DLX1: variants seen among roughly 807,000 people sequenced by gnomAD.
The protein encoded by DLX1 is homeobox protein DLX-1.
In DLX1, 7 loss-of-function variants were observed where a neutral mutation model predicts 25.0. The observed-to-expected ratio is 0.28, with a 90% CI of 0.16 to 0.52. DLX1 has a LOEUF of 0.52. Among genes scored for constraint, DLX1 ranks in the 20% least tolerant of loss-of-function variants. The pLI, the probability that DLX1 is intolerant of heterozygous loss-of-function variation, is 0.96. For missense variants in DLX1, 233 were observed against 334.4 expected (o/e 0.70, Z 2.37); for synonymous variants, 155 against 140.3 (o/e 1.10, Z -0.74).
chr2:172,087,784 C>G (rs1286990874), intron 2 of DLX1, among the ~76,000 whole-genome samples: 1 of 149,454 alleles, frequency 6.7e-6, no homozygotes, highest in Middle Eastern at 3.7e-3. Context: ...GAGCTGCCCC[C>G]GTGGGCTGAC....
chr2:172,086,442 G>T, intron 1 of DLX1: 1 of 508,202 alleles, frequency 2.0e-6, no homozygotes, highest in Non-Finnish European at 3.4e-6. Context: ...AAAGGCAGGA[G>T]CTGAGCTCCT....
In DLX1 at chr2:172,085,514, T is replaced by G; in HGVS notation, c.-164T>G. On this transcript the variant is annotated 5_prime_UTR_variant, in exon 1 of 3. Coordinates refer to ENST00000361725, the MANE Select transcript of DLX1 (RefSeq NM_178120.5). The surrounding 1 kb of genome is among the most constrained non-coding windows in gnomAD (Gnocchi z 4.3). ...ACCGAGTTTGGGGAGCTCAGCAGCATCATGCTTAGACTTTTCAAAGAGACA... is the reference window on the plus strand; with the variant it reads ...ACCGAGTTTGGGGAGCTCAGCAGCAGCATGCTTAGACTTTTCAAAGAGACA... 6 of 705,828 alleles carry G rather than the reference T, an allele frequency of 8.5e-6. No homozygotes were observed. The highest frequency in any genetic ancestry group is 1.4e-5 in the Non-Finnish European group (6 of 430,692). 43.7% of individuals were successfully genotyped at this position (705,828 alleles called of 1,614,324 possible).
intron 1 of DLX1, 25 bp downstream of exon 1, chr2:172,086,015 G>A: frequency 6.4e-7 from 1 of 1,561,772 alleles, no homozygotes; most frequent in Non-Finnish European, 8.7e-7. Context: ...CAGGGAGAGG[G>A]AGAGGAGGAG....
At position 172,088,619 on chromosome 2, in the gene DLX1, C is replaced by G. The variant is rs913158991; in HGVS notation, c.*362C>G. The G allele has an allele frequency of 5.1e-6, 1 of 195,856 alleles. No homozygotes were observed. Among genetic ancestry groups the G allele is most frequent in the East Asian group, 1.2e-4 (1 of 8,650 alleles). The allele number at this position is 195,856 out of a possible 1,614,324, so 12.1% of individuals were successfully genotyped here. On this transcript the variant is annotated 3_prime_UTR_variant, in exon 3 of 3. Coordinates refer to ENST00000361725, the MANE Select transcript of DLX1 (RefSeq NM_178120.5). The stretch of plus-strand genomic sequence containing the variant: ...ACAAAATGTAGAAAAAGCAAAAGCT[C>G]TTTTCTGTCCTGTCAGTCTCCTGTC...
chr2:172,088,326 G>A lies in DLX1; in HGVS notation c.*69G>A, dbSNP rs925073235. The A allele has an allele frequency of 7.1e-7, 1 of 1,404,612 alleles. No homozygotes were observed. 87.0% of individuals were successfully genotyped at this position (1,404,612 alleles called of 1,614,324 possible). On this transcript the variant is annotated 3_prime_UTR_variant, in exon 3 of 3. Transcript: ENST00000361725. ...TCCCGCCTCCAGGTCCATCCATCCCGTCCGGAAAAGAAGGACCCAGAGGGA... is the reference window on the plus strand; with the variant it reads ...TCCCGCCTCCAGGTCCATCCATCCCATCCGGAAAAGAAGGACCCAGAGGGA...
At chr2:172,086,929 C>T (rs1690853885) in intron 2 of DLX1, 76 bp downstream of exon 2, 1 of 1,456,088 alleles carries the variant, frequency 6.9e-7, no homozygotes, top group Admixed American at 1.7e-5. Flanking sequence ...TCATTTGTTG[C>T]TCGCTGGGAC....
chr2:172,087,073 C>G (rs1279379840), intron 2 of DLX1: 1 of 714,356 alleles, frequency 1.4e-6, no homozygotes, highest in Admixed American at 2.0e-5. Flanking sequence ...CCGTCCGGCC[C>G]TCTGTCCCTG....
rs1690903524 is a variant in DLX1 at position 172,088,315 on chromosome 2, C to G, written c.*58C>G. 1 of 1,412,840 alleles carries G rather than the reference C, an allele frequency of 7.1e-7. No individual in the cohort carries two copies. Among genetic ancestry groups the G allele is most frequent in the Non-Finnish European group, 9.3e-7 (1 of 1,076,764 alleles). The allele number at this position is 1,412,840 out of a possible 1,614,324, so 87.5% of individuals were successfully genotyped here. The stretch of plus-strand genomic sequence containing the variant: ...GCCCAGGTCCCTCCCGCCTCCAGGT[C>G]CATCCATCCCGTCCGGAAAAGAAGG... On this transcript the variant is annotated 3_prime_UTR_variant, in exon 3 of 3. Coordinates refer to ENST00000361725, the MANE Select transcript of DLX1 (RefSeq NM_178120.5).
Position 172,085,599 on chromosome 2 carries a change from T to C in DLX1, c.-79T>C. 6.8e-7 allele frequency: 1 copy of C among 1,463,278 alleles called. No homozygotes were observed. The highest frequency in any genetic ancestry group is 9.3e-7 in the Non-Finnish European group (1 of 1,079,360). 90.6% of individuals were successfully genotyped at this position (1,463,278 alleles called of 1,614,324 possible). A position where few individuals can be genotyped will look rare whatever the true frequency, so the allele number is the denominator to read the frequency against. On this transcript the variant is annotated 5_prime_UTR_variant, in exon 1 of 3. Transcript: ENST00000361725. This position sits in a 1 kb window ranked among gnomAD's most constrained non-coding sequence, Gnocchi z 4.3. Reference sequence around the variant, plus strand: ...CCTGTTCCGCTTAAATTGGGTTCCTTCCTGTCCTGAGAAACATAGAGACCC... The same window carrying C: ...CCTGTTCCGCTTAAATTGGGTTCCTCCCTGTCCTGAGAAACATAGAGACCC...
In DLX1 at chr2:172,089,149, T is replaced by C. The variant is rs1690924135; in HGVS notation, c.*892T>C. On this transcript the variant is annotated 3_prime_UTR_variant, in exon 3 of 3. Coordinates refer to ENST00000361725, the MANE Select transcript of DLX1 (RefSeq NM_178120.5). ...TCGGGAGGAACTCTGTTGCTTCGCCTGGACAAGAAGGAAAATGCTGATTTC... is the reference window on the plus strand; with the variant it reads ...TCGGGAGGAACTCTGTTGCTTCGCCCGGACAAGAAGGAAAATGCTGATTTC... 1 of 152,204 alleles carries C rather than the reference T, an allele frequency of 6.6e-6. No homozygotes were observed. The highest frequency in any genetic ancestry group is 6.5e-5 in the Admixed American group (1 of 15,288). 9.4% of individuals were successfully genotyped at this position (152,204 alleles called of 1,614,324 possible).
chr2:172,085,590 T>C lies in DLX1; in HGVS notation c.-88T>C, dbSNP rs1690819945. The C allele has an allele frequency of 3.6e-6, 5 of 1,370,786 alleles. No homozygotes were observed. Among genetic ancestry groups the C allele is most frequent in the Admixed American group, 4.5e-5 (2 of 44,548 alleles). The allele number at this position is 1,370,786 out of a possible 1,614,324, so 84.9% of individuals were successfully genotyped here. A position where few individuals can be genotyped will look rare whatever the true frequency, so the allele number is the denominator to read the frequency against. ...GTGAAAACCCCTGTTCCGCTTAAAT[T>C]GGGTTCCTTCCTGTCCTGAGAAACA... On this transcript the variant is annotated 5_prime_UTR_variant, in exon 1 of 3. Coordinates refer to ENST00000361725, the MANE Select transcript of DLX1 (RefSeq NM_178120.5). The surrounding 1 kb of genome is among the most constrained non-coding windows in gnomAD (Gnocchi z 4.3).
chr2:172,088,343 C>A lies in DLX1; in HGVS notation c.*86C>A. ...TCCATCCCGTCCGGAAAAGAAGGAC[C>A]CAGAGGGAAGAAGGAACAGTGGAGG... On this transcript the variant is annotated 3_prime_UTR_variant, in exon 3 of 3. Transcript: ENST00000361725. 7.2e-7 allele frequency: 1 copy of A among 1,392,520 alleles called. No homozygotes were observed. Among genetic ancestry groups the A allele is most frequent in the Non-Finnish European group, 9.4e-7 (1 of 1,064,440 alleles). The allele number at this position is 1,392,520 out of a possible 1,614,324, so 86.3% of individuals were successfully genotyped here.
chr2:172,088,199 A>G lies in DLX1; in HGVS notation c.710A>G (p.Tyr237Cys), dbSNP rs1356859511. ...GGNAGSYIPS[Y>C]TSWYPSAHQE... is the part of the protein sequence containing the mutation. Reference sequence around the variant, plus strand: ...AACGCGGGCTCCTATATCCCCAGCTACACATCGTGGTACCCTTCAGCGCAC... The same window carrying G: ...AACGCGGGCTCCTATATCCCCAGCTGCACATCGTGGTACCCTTCAGCGCAC... Residue 237 changes from tyrosine (Y) to cysteine (C), a missense_variant, in exon 3 of 3, where the codon TAC becomes TGC. By Grantham distance (194) the Tyr-to-Cys change is radical (BLOSUM62 -2). Coordinates refer to ENST00000361725, the MANE Select transcript of DLX1 (RefSeq NM_178120.5). 6.2e-7 allele frequency: 1 copy of G among 1,606,250 alleles called. No homozygotes were observed. Among genetic ancestry groups the G allele is most frequent in the Non-Finnish European group, 8.5e-7 (1 of 1,176,042 alleles).
In DLX1 at chr2:172,085,750, C is replaced by T. The variant is rs1690823722; in HGVS notation, c.73C>T (p.Pro25Ser). 6.2e-7 allele frequency: 1 copy of T among 1,614,152 alleles called. No individual in the cohort carries two copies. The highest frequency in any genetic ancestry group is 8.5e-7 in the Non-Finnish European group (1 of 1,180,034). ...CAAGGCGGTGTTTATGGAGTTTGGG[C>T]CGCCCAACCAGCAAATGTCTCCTTC... ...SGKAVFMEFG[P>S]PNQQMSPSPM... is the part of the protein sequence containing the mutation. Residue 25 changes from proline (P) to serine (S), a missense_variant, in exon 1 of 3, where the codon CCG (proline) becomes TCG (serine). By Grantham distance (74) the Pro-to-Ser change is moderately conservative. Coordinates refer to ENST00000361725, the MANE Select transcript of DLX1 (RefSeq NM_178120.5). The surrounding 1 kb of genome is among the most constrained non-coding windows in gnomAD (Gnocchi z 4.3).
In DLX1 at chr2:172,085,873, C is replaced by T. The variant is rs1165545209; in HGVS notation, c.196C>T (p.Pro66Ser). The T allele has an allele frequency of 6.2e-7, 1 of 1,614,222 alleles. No individual in the cohort carries two copies. Among genetic ancestry groups the T allele is most frequent in the Admixed American group, 1.7e-5 (1 of 60,034 alleles). Residue 66 changes from proline to serine, a missense_variant, in exon 1 of 3, where the codon CCG (proline) becomes TCG (serine). By Grantham distance (74) the Pro-to-Ser change is moderately conservative. Transcript: ENST00000361725. This position sits in a 1 kb window ranked among gnomAD's most constrained non-coding sequence, Gnocchi z 4.3. ...CAGCTCAGCCTCGTCCTTCTCCCGA[C>T]CGCTGGGCTACCCCTACGTCAACTC... ...AYSSASSFSR[P>S]LGYPYVNSVS...
At position 172,085,927 on chromosome 2, in the gene DLX1, A is replaced by G. The variant is rs141673847; in HGVS notation, c.250A>G (p.Ile84Val). Residue 84 changes from isoleucine to valine, a missense_variant, in exon 1 of 3, where the codon ATC becomes GTC. Physicochemically the swap from Ile to Val is conservative, Grantham distance 29 (BLOSUM62 3). Coordinates refer to ENST00000361725, the MANE Select transcript of DLX1 (RefSeq NM_178120.5). This position sits in a 1 kb window ranked among gnomAD's most constrained non-coding sequence, Gnocchi z 4.3. ...SVSSHASSPY[I>V]SSVQSYPGSA... The stretch of plus-strand genomic sequence containing the variant: ...CAGCAGCCACGCATCCAGCCCCTAC[A>G]TCAGTTCGGTGCAGTCCTACCCGGG... The G allele has an allele frequency of 5.6e-5, 90 of 1,614,002 alleles. No homozygotes were observed. The highest frequency in any genetic ancestry group is 6.7e-5 in the Admixed American group (4 of 60,024).
chr2:172,087,192 C>T (rs953541402), intron 2 of DLX1: 6 of 515,554 alleles, frequency 1.2e-5, no homozygotes, highest in African/African-American at 7.7e-5. Context: ...CTTAATCCCT[C>T]CTTTGCCTTT....
In DLX1 at chr2:172,086,847, G is replaced by A. The variant is rs777264140; in HGVS notation, c.507G>A (p.Gln169=). ...TCGCGGCCTCTTTGGGACTCACACA[G>A]ACTCAGGTACCTCGCCGCTGCCGCT... is the stretch of plus-strand genomic sequence containing the variant. ...AELAASLGLT[Q]TQVKIWFQNK... The change falls in exon 2 of 3, where the codon CAG becomes CAA. Residue 169 remains glutamine, a synonymous_variant. Coordinates refer to ENST00000361725, the MANE Select transcript of DLX1 (RefSeq NM_178120.5). The A allele has an allele frequency of 1.9e-6, 3 of 1,614,118 alleles. No individual in the cohort carries two copies. Among genetic ancestry groups the A allele is most frequent in the South Asian group, 1.1e-5 (1 of 91,086 alleles).
In DLX1 at chr2:172,089,387, A is replaced by G. The variant is rs1026588248; in HGVS notation, c.*1130A>G. 1 of 152,248 alleles carries G rather than the reference A, an allele frequency of 6.6e-6. No individual in the cohort carries two copies. Among genetic ancestry groups the G allele is most frequent in the African/African-American group, 2.4e-5 (1 of 41,148 alleles). The allele number at this position is 152,248 out of a possible 1,614,324, so 9.4% of individuals were successfully genotyped here. The stretch of plus-strand genomic sequence containing the variant: ...GACTGTACATATTATTGTTATTATT[A>G]TTATTGTTATTATTGTTGTTCTGTA... On this transcript the variant is annotated 3_prime_UTR_variant, in exon 3 of 3. Transcript: ENST00000361725.
Sources: gnomAD v4.1 joint callset for allele counts (sites outside exome capture counted in the v4.1 genomes callset) on GRCh38, gnomAD v4.1.1 for gene constraint, Gnocchi (gnomAD v3.1) non-coding constraint, MANE v1.5 for transcripts, NCBI Gene and HGNC (gene_info 2026-07-23, HGNC 2026-07-21) for gene names.